The following ZNF804A variants were observed in gnomAD, a reference collection of about 807,000 sequenced individuals.
The protein encoded by ZNF804A is zinc finger protein 804A.
In ZNF804A, 2 loss-of-function variants were observed where a neutral mutation model predicts 16.5. That is an observed-to-expected ratio of 0.12 (90% CI 0.05 to 0.38). ZNF804A has a LOEUF of 0.38. Ranked by LOEUF, ZNF804A falls within the 10% of genes least tolerant of loss-of-function variation. The pLI, the probability that ZNF804A is intolerant of heterozygous loss-of-function variation, is 0.99. For missense variants in ZNF804A, 1,473 were observed against 1,390.7 expected (o/e 1.06, Z -0.94); for synonymous variants, 534 against 489.6 (o/e 1.09, Z -1.20).
chr2:184,801,476 C>T (rs1694726488), intron 1 of ZNF804A, among the ~76,000 whole-genome samples: 1 of 152,024 alleles, frequency 6.6e-6, no homozygotes, highest in South Asian at 2.1e-4. Context: ...ATGTTCTGTT[C>T]TATTTTTGTC....
At chr2:184,656,179 T>C (rs1212641987) in intron 1 of ZNF804A, among the ~76,000 whole-genome samples, 1 of 152,162 alleles carries the variant, frequency 6.6e-6, no homozygotes, top group Non-Finnish European at 1.5e-5. Context: ...ATCTGTGGTA[T>C]ACATCAGATA....
intron 1 of ZNF804A, among the ~76,000 whole-genome samples, chr2:184,677,683 A>G (rs1378720724): frequency 6.6e-6 from 1 of 152,162 alleles, no homozygotes; most frequent in Non-Finnish European, 1.5e-5. Flanking sequence ...TAAGAACAAA[A>G]TCACTGCTGT....
intron 1 of ZNF804A, among the ~76,000 whole-genome samples, chr2:184,739,378 A>T (rs1191451075): frequency 6.6e-6 from 1 of 152,180 alleles, no homozygotes; most frequent in Non-Finnish European, 1.5e-5. Context: ...AACAAATAAA[A>T]AGATGATTTC....
At chr2:184,625,117 T>A (rs1462430915) in intron 1 of ZNF804A, among the ~76,000 whole-genome samples, 1 of 152,100 alleles carries the variant, frequency 6.6e-6, no homozygotes, top group Non-Finnish European at 1.5e-5. Context: ...AGCACCCAAA[T>A]GAAAATGTCA....
At chr2:184,701,382 T>C (rs1243560331) in intron 1 of ZNF804A, among the ~76,000 whole-genome samples, 1 of 151,972 alleles carries the variant, frequency 6.6e-6, no homozygotes, top group Non-Finnish European at 1.5e-5. Flanking sequence ...AAATAAATTT[T>C]CTGTTTCTTT....
At chr2:184,752,419 C>T (rs1031370739) in intron 1 of ZNF804A, among the ~76,000 whole-genome samples, 2 of 151,330 alleles carry the variant, frequency 1.3e-5, no homozygotes, top group African/African-American at 4.8e-5. Flanking sequence ...ACAAGTGGGA[C>T]TAAATAATGA....
intron 1 of ZNF804A, among the ~76,000 whole-genome samples, chr2:184,804,344 C>G (rs770657640): frequency 1.3e-5 from 2 of 152,098 alleles, no homozygotes; most frequent in African/African-American, 4.8e-5. Context: ...TTAAACCAAC[C>G]AGAGACAGTA....
chr2:184,930,975 T>C (rs181399532), intron 2 of ZNF804A, among the ~76,000 whole-genome samples: 4 of 152,148 alleles, frequency 2.6e-5, no homozygotes, highest in Admixed American at 6.6e-5. Context: ...CTCACAATCA[T>C]GGTGGAAGGT....
In ZNF804A at chr2:184,936,651, A is replaced by G. The variant is rs1157663518; in HGVS notation, c.1255A>G (p.Lys419Glu). The G allele has an allele frequency of 1.2e-6, 2 of 1,614,074 alleles. No homozygotes were observed. The highest frequency in any genetic ancestry group is 2.2e-5 in the South Asian group (2 of 91,080). The part of the protein sequence containing the change: ...ITIHKKTNFC[K>E]RQCEPFVPVL... ...TATACATAAGAAAACAAATTTCTGC[A>G]AAAGACAATGTGAGCCATTTGTACC... The change falls in exon 4 of 4, where the codon AAA becomes GAA. Residue 419 changes from lysine to glutamate, a missense_variant. Coordinates refer to ENST00000302277, the MANE Select transcript of ZNF804A (RefSeq NM_194250.2).
intron 1 of ZNF804A, among the ~76,000 whole-genome samples, chr2:184,668,511 TG>T (rs1298281882): frequency 1.3e-5 from 2 of 151,862 alleles, no homozygotes; most frequent in African/African-American, 4.8e-5. Flanking sequence ...CAGAAGAAAA[TG>T]TATGATTTTC....
intron 1 of ZNF804A, among the ~76,000 whole-genome samples, chr2:184,764,352 A>C (rs1487019824): frequency 6.6e-6 from 1 of 152,190 alleles, no homozygotes; most frequent in African/African-American, 2.4e-5. Context: ...TTTTAAGTTA[A>C]AGGACTCATA....
At chr2:184,933,002 A>T (rs1268244123) in intron 2 of ZNF804A, among the ~76,000 whole-genome samples, 1 of 152,124 alleles carries the variant, frequency 6.6e-6, no homozygotes, top group Non-Finnish European at 1.5e-5. Flanking sequence ...GTTTTAAACC[A>T]CATCAGGAGA....
chr2:184,859,736 G>C (rs1047755023), intron 1 of ZNF804A, among the ~76,000 whole-genome samples: 20 of 152,174 alleles, frequency 1.3e-4, no homozygotes, highest in African/African-American at 4.8e-4. Context: ...TTCTTTGTCT[G>C]GGAAACCCTA....
At chr2:184,883,882 A>C (rs2105818902) in intron 2 of ZNF804A, among the ~76,000 whole-genome samples, 1 of 152,220 alleles carries the variant, frequency 6.6e-6, no homozygotes, top group African/African-American at 2.4e-5. Context: ...TTCCCATTGA[A>C]ATCTGGAAGA....
At chr2:184,696,844 A>T (rs1023906612) in intron 1 of ZNF804A, among the ~76,000 whole-genome samples, 2 of 152,048 alleles carry the variant, frequency 1.3e-5, no homozygotes, top group Non-Finnish European at 2.9e-5. Context: ...TATGCTGATT[A>T]AGCTATCTGT....
chr2:184,757,910 A>G (rs1477315255), intron 1 of ZNF804A, among the ~76,000 whole-genome samples: 2 of 151,960 alleles, frequency 1.3e-5, no homozygotes, highest in South Asian at 2.1e-4. Context: ...AGTTTCACTA[A>G]TTTTCTTGAA....
chr2:184,933,000 CCACA>C (rs1685726618), intron 2 of ZNF804A, among the ~76,000 whole-genome samples: 1 of 152,002 alleles, frequency 6.6e-6, no homozygotes, highest in Non-Finnish European at 1.5e-5. Context: ...TTGTTTTAAA[CCACA>C]TCAGGAGAGA....
intron 1 of ZNF804A, among the ~76,000 whole-genome samples, chr2:184,638,666 G>A (rs1294031830): frequency 1.3e-5 from 2 of 152,004 alleles, no homozygotes; most frequent in African/African-American, 2.4e-5. Flanking sequence ...TTCTATTATG[G>A]ATTGTCACTG....
intron 1 of ZNF804A, among the ~76,000 whole-genome samples, chr2:184,783,138 GT>G (rs57207733): frequency 2.7e-3 from 230 of 86,104 alleles, no homozygotes; most frequent in African/African-American, 9.0e-3. Flanking sequence ...AAAAGAGTGA[GT>G]TTTTTTTTTT....
Sources: allele counts gnomAD v4.1 joint callset (sites outside exome capture counted in the v4.1 genomes callset), GRCh38; gene constraint gnomAD v4.1.1; transcripts MANE v1.5; gene names NCBI Gene and HGNC (gene_info 2026-07-23, HGNC 2026-07-21).